The following PHF14 variants were observed in gnomAD, a reference collection of about 807,000 sequenced individuals.
PHF14 encodes PHD finger protein 14.
A neutral mutation model predicts 117.9 loss-of-function variants in PHF14; 55 were observed. That is an observed-to-expected ratio of 0.47 (90% confidence interval 0.38 to 0.58). PHF14 has a LOEUF of 0.58. PHF14 is among the 20% of genes least tolerant of loss of function. The pLI is 0.00. For synonymous variants in PHF14, 409 were observed against 368.6 expected, an observed-to-expected ratio of 1.11 and a Z score of -1.26; for missense variants, 978 against 1,122.2, an observed-to-expected ratio of 0.87 and a Z score of 1.84.
intron 16 of PHF14, among the ~76,000 whole-genome samples, chr7:11,093,930 A>G (rs1362065766): frequency 6.6e-6 from 1 of 150,840 alleles, no homozygotes; most frequent in African/African-American, 2.4e-5. Flanking sequence ...GGAGTAGAGG[A>G]TTTTTTTTTC....
chr7:11,168,714 T>TG (rs1789282196), intron 17 of PHF14, among the ~76,000 whole-genome samples: 1 of 152,150 alleles, frequency 6.6e-6, no homozygotes, highest in Admixed American at 6.5e-5. Context: ...ACATGTATGA[T>TG]GAGATGGGTT....
At chr7:11,105,259 C>G in intron 16 of PHF14, 1 of 956,818 alleles carries the variant, frequency 1.0e-6, no homozygotes, top group Non-Finnish European at 1.2e-6. Context: ...TTCGTTGTTG[C>G]TTAAGTGTTC....
chr7:11,027,406 T>G (rs79710593), intron 6 of PHF14, among the ~76,000 whole-genome samples: 2 of 152,172 alleles, frequency 1.3e-5, no homozygotes, highest in Non-Finnish European at 2.9e-5. Context: ...TGAATACTTA[T>G]ATTAAACAAT....
Position 11,148,646 on chromosome 7 carries a change from C to T in PHF14, c.2773-20770C>T, listed in dbSNP as rs192536161. On this transcript the variant is annotated intron_variant, in intron 17 of 17. Coordinates refer to ENST00000634607, the MANE Select transcript of PHF14 (RefSeq NM_001007157.2). ...GAAATTGAAGGCCATGAGGACGATA[C>T]GCTGTTGTTCACCACTATTACCCCA... Among the ~76,000 whole-genome samples the T allele has an allele frequency of 6.6e-5, 10 of 152,296 alleles. No individual in the cohort carries two copies. The East Asian group carries it at 1.4e-3, about 21-fold the overall frequency.
intron 4 of PHF14, among the ~76,000 whole-genome samples, chr7:10,993,866 C>T (rs149156634): frequency 1.1e-4 from 17 of 151,880 alleles, no homozygotes; most frequent in East Asian, 3.9e-4. Flanking sequence ...AAAATTAATC[C>T]GGCATGGTGG....
intron 4 of PHF14, among the ~76,000 whole-genome samples, chr7:10,993,932 C>T (rs1454003599): frequency 6.6e-6 from 1 of 150,958 alleles, no homozygotes; most frequent in Non-Finnish European, 1.5e-5. Context: ...TTGCTGGAAC[C>T]TAGGAGGTGG....
At chr7:11,107,718 A>G in intron 16 of PHF14, 1 of 764,608 alleles carries the variant, frequency 1.3e-6, no homozygotes, top group Non-Finnish European at 1.6e-6. Context: ...CATTTGTGTT[A>G]TTTAATAAAG....
At position 11,072,546 on chromosome 7, in the gene PHF14, C is replaced by T. The variant is rs547742374; in HGVS notation, c.2654+10461C>T. Among the ~76,000 whole-genome samples, 3 of 152,268 alleles carry T rather than the reference C, an allele frequency of 2.0e-5. No individual in the cohort carries two copies. In the East Asian group the frequency reaches 5.8e-4, roughly 29 times the overall value. On this transcript the variant is annotated intron_variant, in intron 16 of 17. Transcript: ENST00000634607. ...TAGCAATAAACAATAGTACCTACTC[C>T]ATAGATTGTCTGGATGATTAAGTAA...
chr7:11,012,973 A>G (rs34761667), intron 4 of PHF14, among the ~76,000 whole-genome samples: 6,501 of 152,072 alleles, frequency 0.043, 195 homozygotes, highest in Non-Finnish European at 0.065. Context: ...ATTGTATTAT[A>G]CCTGTTTGTA....
intron 17 of PHF14, among the ~76,000 whole-genome samples, chr7:11,163,008 A>T (rs572631681): frequency 6.6e-6 from 1 of 152,304 alleles, no homozygotes; most frequent in African/African-American, 2.4e-5. Context: ...TGAAATTAGA[A>T]ATTTGTTACT....
At chr7:11,023,674 AC>A (rs1432768253) in intron 6 of PHF14, among the ~76,000 whole-genome samples, 2 of 152,084 alleles carry the variant, frequency 1.3e-5, no homozygotes, top group African/African-American at 4.8e-5. Context: ...TAAAAATACA[AC>A]AAATTAGCTG....
At chr7:10,982,022 AG>A (rs757194104) in intron 2 of PHF14, among the ~76,000 whole-genome samples, 83 of 152,240 alleles carry the variant, frequency 5.5e-4, no homozygotes, top group Non-Finnish European at 9.6e-4. Context: ...ATTAAAATCA[AG>A]TGCCCAATCT....
At chr7:11,058,960 T>G (rs2128328733) in intron 14 of PHF14, among the ~76,000 whole-genome samples, 1 of 152,230 alleles carries the variant, frequency 6.6e-6, no homozygotes, top group Non-Finnish European at 1.5e-5. Context: ...AGATGGAAAT[T>G]GTTTATGTGT....
intron 16 of PHF14, among the ~76,000 whole-genome samples, chr7:11,089,598 G>A (rs1441666114): frequency 6.6e-6 from 1 of 152,100 alleles, no homozygotes; most frequent in African/African-American, 2.4e-5. Flanking sequence ...TTTTTAATGA[G>A]ATACTTAACA....
At chr7:11,041,103 G>A (rs1316026693) in intron 12 of PHF14, among the ~76,000 whole-genome samples, 1 of 151,556 alleles carries the variant, frequency 6.6e-6, no homozygotes, top group Non-Finnish European at 1.5e-5. Context: ...TGAATGAATT[G>A]TAGAGTTTGT....
At chr7:11,053,702 A>G (rs1430106339) in intron 14 of PHF14, among the ~76,000 whole-genome samples, 1 of 152,112 alleles carries the variant, frequency 6.6e-6, no homozygotes, top group Admixed American at 6.6e-5. Flanking sequence ...TGTATATTAC[A>G]GTGAAATTTT....
chr7:11,083,149 CAG>C (rs1012315128), intron 16 of PHF14, among the ~76,000 whole-genome samples: 9 of 152,212 alleles, frequency 5.9e-5, no homozygotes, highest in Non-Finnish European at 1.3e-4. Context: ...GGAAAGGGCA[CAG>C]GGGCAGGATT....
chr7:11,048,538 C>G (rs1191610303), intron 13 of PHF14, among the ~76,000 whole-genome samples: 1 of 152,162 alleles, frequency 6.6e-6, no homozygotes, highest in Non-Finnish European at 1.5e-5. Context: ...TGCCACTGCA[C>G]TCCAGCCTTG....
At chr7:11,033,083 T>C (rs1199297378) in intron 7 of PHF14, among the ~76,000 whole-genome samples, 3 of 152,224 alleles carry the variant, frequency 2.0e-5, no homozygotes, top group East Asian at 3.8e-4. Context: ...ATGGTAGATA[T>C]TCAGAAACAT....
Sources: gnomAD v4.1 joint callset for allele counts (sites outside exome capture counted in the v4.1 genomes callset) on GRCh38, gnomAD v4.1.1 for gene constraint, MANE v1.5 for transcripts, NCBI Gene and HGNC (gene_info 2026-07-23, HGNC 2026-07-21) for gene names.